Variants in CDH13 observed in about 807,000 individuals in gnomAD.
The protein encoded by CDH13 is cadherin-13.
In CDH13, 24 loss-of-function variants were observed where a neutral mutation model predicts 63.8. That is an observed-to-expected ratio of 0.38 (90% CI 0.27 to 0.53). The LOEUF (loss-of-function observed/expected upper bound fraction) is 0.53, where lower values mean the gene tolerates loss of function less well. Ranked by LOEUF, CDH13 falls within the 20% of genes least tolerant of loss-of-function variation. CDH13 has a pLI of 0.85. For synonymous variants in CDH13, 503 were observed against 355.3 expected (o/e 1.42, Z -4.67); for missense variants, 1,049 against 903.1 (o/e 1.16, Z -2.07).
intron 4 of CDH13, among the ~76,000 whole-genome samples, chr16:83,205,015 C>T (rs1356412247): frequency 6.6e-6 from 1 of 152,240 alleles, no homozygotes; most frequent in Admixed American, 6.5e-5. Context: ...AGGAAGAACA[C>T]TGCTGTGTGC....
At chr16:83,102,252 C>T (rs568086579) in intron 3 of CDH13, among the ~76,000 whole-genome samples, 18 of 152,310 alleles carry the variant, frequency 1.2e-4, no homozygotes, top group Middle Eastern at 3.4e-3. Context: ...TTGGGACATT[C>T]GACCCCAGAA....
At chr16:82,784,242 T>A (rs1237665268) in intron 1 of CDH13, among the ~76,000 whole-genome samples, 1 of 152,218 alleles carries the variant, frequency 6.6e-6, no homozygotes, top group African/African-American at 2.4e-5. Flanking sequence ...TTTCAACATC[T>A]GGTCTTCAAA....
intron 2 of CDH13, among the ~76,000 whole-genome samples, chr16:82,924,683 T>C (rs1326953879): frequency 6.6e-6 from 1 of 152,186 alleles, no homozygotes; most frequent in Non-Finnish European, 1.5e-5. Context: ...CAATCTGGAA[T>C]GTGAGGTTTC....
intron 11 of CDH13, among the ~76,000 whole-genome samples, chr16:83,761,466 C>T (rs1410624377): frequency 6.6e-6 from 1 of 152,146 alleles, no homozygotes; most frequent in African/African-American, 2.4e-5. Context: ...AGAGAGACTC[C>T]AGCGCAGGCA....
At chr16:83,663,860 C>A (rs1913677279) in intron 8 of CDH13, among the ~76,000 whole-genome samples, 1 of 152,052 alleles carries the variant, frequency 6.6e-6, no homozygotes. Flanking sequence ...GAATTTTAAT[C>A]AGATAAAGAG....
At chr16:83,588,239 CG>C (rs1906368748) in intron 7 of CDH13, among the ~76,000 whole-genome samples, 1 of 152,222 alleles carries the variant, frequency 6.6e-6, no homozygotes, top group Non-Finnish European at 1.5e-5. Flanking sequence ...TGCCACGCCC[CG>C]CAAAACCAGG....
chr16:82,697,383 C>A (rs930259379), intron 1 of CDH13, among the ~76,000 whole-genome samples: 2 of 150,014 alleles, frequency 1.3e-5, no homozygotes, highest in Non-Finnish European at 1.5e-5. Context: ...CCTCCAACAT[C>A]CTTTAATCAC....
intron 5 of CDH13, among the ~76,000 whole-genome samples, chr16:83,251,494 C>A (rs1016980920): frequency 2.6e-5 from 4 of 152,146 alleles, no homozygotes; most frequent in African/African-American, 7.2e-5. Context: ...GTCTCCAAAG[C>A]TGAGATTCCC....
chr16:83,123,358 C>T (rs1012980682), intron 3 of CDH13, among the ~76,000 whole-genome samples: 11 of 152,058 alleles, frequency 7.2e-5, no homozygotes, highest in African/African-American at 2.7e-4. Context: ...CGGCTCACTG[C>T]AACCTCTGAC....
chr16:83,067,069 T>G (rs558308055), intron 3 of CDH13, among the ~76,000 whole-genome samples: 8 of 152,322 alleles, frequency 5.3e-5, no homozygotes, highest in African/African-American at 1.9e-4. Flanking sequence ...TTAAGCGTCC[T>G]TCATTCTTCA....
intron 2 of CDH13, among the ~76,000 whole-genome samples, chr16:82,921,477 G>C (rs1323548461): frequency 1.3e-5 from 2 of 152,018 alleles, no homozygotes; most frequent in African/African-American, 2.4e-5. Context: ...GGCATTTAGG[G>C]ACCACCTGAA....
chr16:83,492,920 C>T (rs142805293), intron 7 of CDH13, among the ~76,000 whole-genome samples: 1 of 152,178 alleles, frequency 6.6e-6, no homozygotes, highest in Non-Finnish European at 1.5e-5. Flanking sequence ...AAAGCTAAGA[C>T]CGTGGCTAGT....
intron 12 of CDH13, among the ~76,000 whole-genome samples, chr16:83,781,544 AT>A (rs889625541): frequency 2.5e-4 from 38 of 151,762 alleles, no homozygotes; most frequent in Admixed American, 3.9e-4. Context: ...CTCATATCTC[AT>A]TTTTTTAGTG....
chr16:83,512,794 C>T (rs1021131937), intron 7 of CDH13, among the ~76,000 whole-genome samples: 11 of 152,112 alleles, frequency 7.2e-5, no homozygotes, highest in Non-Finnish European at 1.3e-4. Context: ...GTAGCCACAT[C>T]CCCTGAGATC....
chr16:83,569,058 G>A (rs1169385786), intron 7 of CDH13, among the ~76,000 whole-genome samples: 3 of 151,982 alleles, frequency 2.0e-5, no homozygotes, highest in East Asian at 1.9e-4. Flanking sequence ...ACCACTGTCT[G>A]GCCTCCTCTC....
intron 11 of CDH13, among the ~76,000 whole-genome samples, chr16:83,765,702 A>C (rs1194364341): frequency 6.6e-6 from 1 of 152,216 alleles, no homozygotes; most frequent in Non-Finnish European, 1.5e-5. Context: ...TGGTGCTGAA[A>C]AACCATATTA....
At chr16:83,164,591 G>A (rs528246255) in intron 4 of CDH13, among the ~76,000 whole-genome samples, 19 of 151,978 alleles carry the variant, frequency 1.3e-4, no homozygotes, top group Admixed American at 5.2e-4. Context: ...CATGGTGGGG[G>A]CGCCTGCAAT....
At chr16:82,846,883 C>T (rs2039279969) in intron 1 of CDH13, among the ~76,000 whole-genome samples, 3 of 152,052 alleles carry the variant, frequency 2.0e-5, no homozygotes, top group South Asian at 4.2e-4. Flanking sequence ...ATTACTAAAA[C>T]AATAGCAAAA....
At chr16:82,727,037 A>G (rs2033135684) in intron 1 of CDH13, among the ~76,000 whole-genome samples, 1 of 152,146 alleles carries the variant, frequency 6.6e-6, no homozygotes, top group Non-Finnish European at 1.5e-5. Context: ...ATTCCCATCC[A>G]TCAGAAATTG....
Sources: gnomAD v4.1 joint callset for allele counts (sites outside exome capture counted in the v4.1 genomes callset) on GRCh38, gnomAD v4.1.1 for gene constraint, MANE v1.5 for transcripts, NCBI Gene and HGNC (gene_info 2026-07-23, HGNC 2026-07-21) for gene names.